The following KPNA5 variants were observed in gnomAD, a reference collection of about 807,000 sequenced individuals.
The protein encoded by KPNA5 is karyopherin subunit alpha 5, also known as importin subunit alpha-6.
A neutral mutation model predicts 71.3 loss-of-function variants in KPNA5; 46 were observed. The observed-to-expected ratio is 0.65, with a 90% CI of 0.51 to 0.83. The LOEUF (loss-of-function observed/expected upper bound fraction) is 0.83. KPNA5 is among the 40% of genes least tolerant of loss of function. The pLI, the probability that KPNA5 is intolerant of heterozygous loss-of-function variation, is 0.00. For missense variants in KPNA5, 547 were observed against 628.3 expected, an observed-to-expected ratio of 0.87 and a Z score of 1.38; for synonymous variants, 207 against 201.4, an observed-to-expected ratio of 1.03 and a Z score of -0.24.
At chr6:116,686,893 CT>C (rs1187713204) in intron 1 of KPNA5, among the ~76,000 whole-genome samples, 1 of 152,076 alleles carries the variant, frequency 6.6e-6, no homozygotes, top group Non-Finnish European at 1.5e-5. Context: ...GTCTATGTGT[CT>C]GTTTTTGTAC....
chr6:116,686,783 A>C (rs1036053187), intron 1 of KPNA5, among the ~76,000 whole-genome samples: 4 of 152,134 alleles, frequency 2.6e-5, no homozygotes, highest in Non-Finnish European at 5.9e-5. Context: ...CCATTTATTG[A>C]ATAGGGAGTC....
intron 1 of KPNA5, among the ~76,000 whole-genome samples, chr6:116,685,333 T>G (rs1311879768): frequency 6.6e-6 from 1 of 152,222 alleles, no homozygotes; most frequent in East Asian, 1.9e-4. Flanking sequence ...GCAAGCTTGT[T>G]GTATAGGTAA....
Position 116,732,098 on chromosome 6 carries a change from A to T in KPNA5, c.1433-38A>T, listed in dbSNP as rs202189655. 8 of 163,986 alleles carry T rather than the reference A, an allele frequency of 4.9e-5. 1 individual carries two copies. The highest frequency in any genetic ancestry group is 9.3e-5 in the Non-Finnish European group (8 of 85,704). The allele number at this position is 163,986 out of a possible 1,614,324, so 10.2% of individuals were successfully genotyped here. A position where few individuals can be genotyped will look rare whatever the true frequency, so the allele number is the denominator to read the frequency against. On this transcript the variant is annotated intron_variant, in intron 13 of 13. Coordinates refer to ENST00000368564, the MANE Select transcript of KPNA5 (RefSeq NM_001366306.2). ...TTTATATATATATATATATATATAT[A>T]TATATATATATATATATATATATAC... is the stretch of plus-strand genomic sequence containing the variant.
At chr6:116,729,974 T>TATG (rs1779424990) in intron 13 of KPNA5, among the ~76,000 whole-genome samples, 1 of 151,436 alleles carries the variant, frequency 6.6e-6, no homozygotes, top group South Asian at 2.1e-4. Context: ...GTATGTATAG[T>TATG]TTTATGTTCT....
intron 4 of KPNA5, among the ~76,000 whole-genome samples, chr6:116,693,276 G>T (rs1176333854): frequency 6.6e-6 from 1 of 152,122 alleles, no homozygotes; most frequent in Admixed American, 6.5e-5. Context: ...GGGTCAAATG[G>T]TATTTCTAGT....
At chr6:116,707,121 G>A (rs934019379) in intron 7 of KPNA5, among the ~76,000 whole-genome samples, 5 of 151,664 alleles carry the variant, frequency 3.3e-5, no homozygotes, top group East Asian at 1.9e-4. Flanking sequence ...CCAAGATCAC[G>A]CCACTGCACT....
intron 6 of KPNA5, among the ~76,000 whole-genome samples, chr6:116,703,778 T>A (rs985063994): frequency 6.6e-6 from 1 of 152,194 alleles, no homozygotes. Context: ...AATAAAACTT[T>A]CCCAATTGAA....
rs147245391 is a variant in KPNA5, at chr6:116,702,076, G to A, written c.493G>A (p.Val165Ile). 1 of 1,613,854 alleles carries A rather than the reference G, an allele frequency of 6.2e-7. No homozygotes were observed. ...ATCTGGAACTTTTCTGCATACCAAGGTAGTGATTGAAACTGGGGCTGTTCC... is the reference window on the plus strand; with the variant it reads ...ATCTGGAACTTTTCTGCATACCAAGATAGTGATTGAAACTGGGGCTGTTCC... ...IASGTFLHTKVVIETGAVPIF... is the reference protein window; with the variant it reads ...IASGTFLHTKIVIETGAVPIF... The change falls in exon 6 of 14, where the codon GTA becomes ATA. Residue 165 changes from valine (V) to isoleucine (I), a missense_variant. Val to Ile is a conservative substitution (Grantham distance 29). Coordinates refer to ENST00000368564, the MANE Select transcript of KPNA5 (RefSeq NM_001366306.2).
At chr6:116,718,789 A>G (rs912031277) in intron 8 of KPNA5, among the ~76,000 whole-genome samples, 16 of 148,970 alleles carry the variant, frequency 1.1e-4, no homozygotes, top group Non-Finnish European at 3.0e-5. Flanking sequence ...TTTTTTTGAG[A>G]TGGAGTTTCA....
At chr6:116,727,460 A>G (rs530525192) in intron 12 of KPNA5, among the ~76,000 whole-genome samples, 3 of 152,210 alleles carry the variant, frequency 2.0e-5, no homozygotes, top group South Asian at 2.1e-4. Context: ...CATCATAGCA[A>G]TTACATTGTT....
chr6:116,681,447 G>T lies in KPNA5; in HGVS notation c.4+109G>T. On this transcript the variant is annotated intron_variant, in intron 1 of 13. Transcript: ENST00000368564. ...TTTATTTACCCCTTACTTTGCGAAG[G>T]TCTCTGGAACCTGGCGGTGCCGGGT... 3.5e-6 allele frequency: 5 copies of T among 1,442,004 alleles called. No individual in the cohort carries two copies. In the South Asian group the frequency reaches 7.5e-5, roughly 22 times the overall value. The allele number at this position is 1,442,004 out of a possible 1,614,324, so 89.3% of individuals were successfully genotyped here. A position where few individuals can be genotyped will look rare whatever the true frequency, so the allele number is the denominator to read the frequency against.
chr6:116,692,859 A>T (rs1246668859), intron 4 of KPNA5, among the ~76,000 whole-genome samples: 2 of 152,148 alleles, frequency 1.3e-5, no homozygotes, highest in East Asian at 3.8e-4. Context: ...AACATTAGTT[A>T]TATCTCCTAA....
chr6:116,709,993 T>A (rs1170875531), intron 7 of KPNA5, among the ~76,000 whole-genome samples: 1 of 152,038 alleles, frequency 6.6e-6, no homozygotes. Context: ...TCTCCTAACC[T>A]CGTGATCCGC....
chr6:116,722,013 C>G (rs1779124009), intron 8 of KPNA5, 113 bp from the exon 9 acceptor site: 2 of 677,006 alleles, frequency 3.0e-6, no homozygotes, highest in Non-Finnish European at 2.3e-6. Flanking sequence ...TATAAATTTT[C>G]TGGTATTTTT....
At chr6:116,726,420 A>C in intron 11 of KPNA5, 75 bp from the exon 12 acceptor site, 1 of 1,192,508 alleles carries the variant, frequency 8.4e-7, no homozygotes, top group Non-Finnish European at 1.2e-6. Flanking sequence ...GAAGCCATTG[A>C]GTTTCAAGAT....
chr6:116,709,455 G>C (rs1778569122), intron 7 of KPNA5, among the ~76,000 whole-genome samples: 1 of 152,164 alleles, frequency 6.6e-6, no homozygotes, highest in Admixed American at 6.5e-5. Context: ...TGAGGCTGTA[G>C]TGCACTATAA....
At chr6:116,709,865 A>G (rs757906053) in intron 7 of KPNA5, among the ~76,000 whole-genome samples, 4 of 151,714 alleles carry the variant, frequency 2.6e-5, no homozygotes, top group Non-Finnish European at 4.4e-5. Flanking sequence ...CCTGGGTTCA[A>G]TTCTCCTGCC....
In KPNA5 at chr6:116,681,232, C is replaced by T. The variant is rs537217610; in HGVS notation, c.-103C>T. On this transcript the variant is annotated 5_prime_UTR_variant, in exon 1 of 14. Coordinates refer to ENST00000368564, the MANE Select transcript of KPNA5 (RefSeq NM_001366306.2). Reference sequence around the variant, plus strand: ...CGCCATCTTGGATTGCGAACTGGGTCGCTACGCTTCACGCCAGGGGCGGAG... The same window carrying T: ...CGCCATCTTGGATTGCGAACTGGGTTGCTACGCTTCACGCCAGGGGCGGAG... 36 of 1,510,536 alleles carry T rather than the reference C, an allele frequency of 2.4e-5. No homozygotes were observed. Among genetic ancestry groups the T allele is most frequent in the Middle Eastern group, 3.5e-4 (2 of 5,654 alleles). The allele number at this position is 1,510,536 out of a possible 1,614,324, so 93.6% of individuals were successfully genotyped here.
intron 5 of KPNA5, among the ~76,000 whole-genome samples, chr6:116,700,441 G>T (rs1385476151): frequency 2.0e-5 from 3 of 151,748 alleles, no homozygotes; most frequent in African/African-American, 7.3e-5. Flanking sequence ...CTGCACTCCA[G>T]CCTGGGCCCT....
Sources: gnomAD v4.1 joint callset for allele counts (sites outside exome capture counted in the v4.1 genomes callset) on GRCh38, gnomAD v4.1.1 for gene constraint, MANE v1.5 for transcripts, NCBI Gene and HGNC (gene_info 2026-07-23, HGNC 2026-07-21) for gene names.